Variants in TP53BP1 observed in about 807,000 individuals in gnomAD.
TP53BP1 encodes the protein TP53-binding protein 1.
In TP53BP1, 61 loss-of-function variants were observed where a neutral mutation model predicts 200.8. That is an observed-to-expected ratio of 0.30 (90% CI 0.25 to 0.38). The LOEUF is 0.38. Ranked by LOEUF, TP53BP1 falls within the 10% of genes least tolerant of loss-of-function variation. The probability of loss-of-function intolerance (pLI) is 1.00; values close to 1 mark genes in which losing one functional copy is unlikely to be tolerated. For missense variants in TP53BP1, 2,144 were observed against 2,371.9 expected, an observed-to-expected ratio of 0.90 and a Z score of 2.00; for synonymous variants, 822 against 844.3, an observed-to-expected ratio of 0.97 and a Z score of 0.46.
intron 15 of TP53BP1, among the ~76,000 whole-genome samples, chr15:43,439,695 C>A (rs532381699): frequency 2.0e-5 from 3 of 152,150 alleles, no homozygotes; most frequent in Admixed American, 2.0e-4. Flanking sequence ...AATTTATTCA[C>A]AACAATATCA....
rs1416004923 is a variant in TP53BP1, at chr15:43,492,135, A to T, written c.193-40T>A. 3 of 1,540,938 alleles carry T rather than the reference A, an allele frequency of 1.9e-6. No individual in the cohort carries two copies. In the Admixed American group the frequency reaches 5.1e-5, roughly 26 times the overall value. On this transcript the variant is annotated intron_variant, in intron 2 of 27. Coordinates refer to ENST00000382044, the MANE Select transcript of TP53BP1 (RefSeq NM_001141980.3). ...TACAAAATATCCCCATTATATATGA[A>T]ATAGTTCAAAATGAAACCTACTATT...
intron 18 of TP53BP1, among the ~76,000 whole-genome samples, chr15:43,426,338 G>T (rs543210169): frequency 1.7e-4 from 25 of 150,222 alleles, no homozygotes; most frequent in Non-Finnish European, 3.2e-4. Context: ...TACTCAGGAG[G>T]CTGAGGCAGG....
At chr15:43,499,359 G>A (rs2079198156) in intron 1 of TP53BP1, among the ~76,000 whole-genome samples, 2 of 152,030 alleles carry the variant, frequency 1.3e-5, no homozygotes, top group African/African-American at 4.8e-5. Flanking sequence ...CAAACCCCGT[G>A]ATAATGCAAC....
chr15:43,425,881 C>A (rs866324170), intron 18 of TP53BP1, among the ~76,000 whole-genome samples: 1 of 151,808 alleles, frequency 6.6e-6, no homozygotes, highest in Non-Finnish European at 1.5e-5. Flanking sequence ...CTGGCTAACA[C>A]GGTGAAACCC....
At chr15:43,451,998 G>T (rs1310448480) in intron 12 of TP53BP1, among the ~76,000 whole-genome samples, 3 of 151,736 alleles carry the variant, frequency 2.0e-5, no homozygotes, top group African/African-American at 7.3e-5. Flanking sequence ...AGCCAGGCAT[G>T]GTGACATGTG....
At chr15:43,455,428 A>T (rs2046269883) in intron 12 of TP53BP1, among the ~76,000 whole-genome samples, 2 of 152,182 alleles carry the variant, frequency 1.3e-5, no homozygotes, top group Non-Finnish European at 2.9e-5. Flanking sequence ...CTATTAAAAA[A>T]ATACAATCCA....
In TP53BP1 at chr15:43,404,459, T is replaced by C; in HGVS notation, c.*2924A>G. ...CTCCTGTTCAAGATTCTCTCCAGTG[T>C]TCGGAATCATCAGATCAACTCAGAT... On this transcript the variant is annotated 3_prime_UTR_variant, in exon 28 of 28. Transcript: ENST00000382044. The C allele has an allele frequency of 6.2e-7, 1 of 1,614,192 alleles. No homozygotes were observed. Among genetic ancestry groups the C allele is most frequent in the Admixed American group, 1.7e-5 (1 of 60,024 alleles).
At chr15:43,447,191 A>C (rs1595566136) in intron 13 of TP53BP1, 175 bp downstream of exon 13, 30 of 568,990 alleles carry the variant, frequency 5.3e-5, no homozygotes, top group East Asian at 6.8e-5. Context: ...TCCTCTCTTT[A>C]CCCCTCATCT....
At chr15:43,448,696 C>T (rs536326238) in intron 12 of TP53BP1, among the ~76,000 whole-genome samples, 15 of 152,038 alleles carry the variant, frequency 9.9e-5, no homozygotes, top group South Asian at 2.1e-4. Context: ...CCCTCCATCA[C>T]GCCCAGCTAA....
At chr15:43,468,450 G>A (rs1235422828) in intron 11 of TP53BP1, among the ~76,000 whole-genome samples, 1 of 151,834 alleles carries the variant, frequency 6.6e-6, no homozygotes, top group Non-Finnish European at 1.5e-5. Flanking sequence ...GGGATGCTGA[G>A]GTGGGAGGAT....
intron 22 of TP53BP1, 135 bp downstream of exon 22, chr15:43,416,090 G>A: frequency 1.2e-6 from 1 of 850,386 alleles, no homozygotes; most frequent in Non-Finnish European, 1.8e-6. Context: ...GAAAATGACA[G>A]CTCATCCACC....
At chr15:43,408,847 G>C in intron 26 of TP53BP1, 50 bp downstream of exon 26, 1 of 1,573,842 alleles carries the variant, frequency 6.4e-7, no homozygotes, top group Non-Finnish European at 8.7e-7. Context: ...TCCCTCCAAA[G>C]CTTGCTGTCC....
chr15:43,429,377 C>T lies in TP53BP1; in HGVS notation c.3676-1209G>A, dbSNP rs970456065. ...TATCACATTTTTTCACATCTTTATC[C>T]TCCCTCCTACACCCCACTAACTCCG... is the stretch of plus-strand genomic sequence containing the variant. On this transcript the variant is annotated intron_variant, in intron 17 of 27. Transcript: ENST00000382044. Among the ~76,000 whole-genome samples, 35 of 152,240 alleles carry T rather than the reference C, an allele frequency of 2.3e-4. No individual in the cohort carries two copies. In the East Asian group the frequency reaches 6.4e-3, roughly 28 times the overall value.
chr15:43,507,169 C>T (rs1197286596), intron 1 of TP53BP1, among the ~76,000 whole-genome samples: 2 of 151,646 alleles, frequency 1.3e-5, no homozygotes, highest in Non-Finnish European at 2.9e-5. Context: ...GAGTCTCACT[C>T]TGTCACCCAG....
intron 12 of TP53BP1, among the ~76,000 whole-genome samples, chr15:43,449,170 T>A (rs2046109678): frequency 6.6e-6 from 1 of 151,996 alleles, no homozygotes; most frequent in Admixed American, 6.6e-5. Context: ...CTGTAAACAG[T>A]ATGGATGAAG....
At chr15:43,480,754 T>G in intron 5 of TP53BP1, 141 bp downstream of exon 5, 1 of 976,236 alleles carries the variant, frequency 1.0e-6, no homozygotes, top group Non-Finnish European at 1.5e-6. Context: ...ACATTTTAAA[T>G]TACTAGCAAA....
chr15:43,442,309 A>C (rs1232998260), intron 14 of TP53BP1, among the ~76,000 whole-genome samples: 1 of 151,652 alleles, frequency 6.6e-6, no homozygotes, highest in Non-Finnish European at 1.5e-5. Context: ...GATGGTCTCA[A>C]TCTCCTGACC....
Position 43,491,723 on chromosome 15 carries a change from CAT to C in TP53BP1, c.315_316del (p.Cys106TrpfsTer8). The C allele has an allele frequency of 6.2e-7, 1 of 1,614,056 alleles. No individual in the cohort carries two copies. The highest frequency in any genetic ancestry group is 8.5e-7 in the Non-Finnish European group (1 of 1,179,976). ...CTCAATGACCTGACTGATGGAACCACATGTGTCCAAGTTAGAAGAATCCACAG... is the reference window on the plus strand; with the variant it reads ...CTCAATGACCTGACTGATGGAACCACGTGTCCAAGTTAGAAGAATCCACAG... On this transcript the variant is annotated frameshift_variant, in exon 4 of 28. Coordinates refer to ENST00000382044, the MANE Select transcript of TP53BP1 (RefSeq NM_001141980.3). LOFTEE classifies it high-confidence loss of function.
At chr15:43,465,672 C>T (rs1022052070) in intron 11 of TP53BP1, among the ~76,000 whole-genome samples, 4 of 152,082 alleles carry the variant, frequency 2.6e-5, no homozygotes, top group South Asian at 2.1e-4. Flanking sequence ...TGAAAATAGA[C>T]GTATCCCAAA....
Sources: gnomAD v4.1 joint callset for allele counts (sites outside exome capture counted in the v4.1 genomes callset) on GRCh38, gnomAD v4.1.1 for gene constraint, MANE v1.5 for transcripts, NCBI Gene and HGNC (gene_info 2026-07-23, HGNC 2026-07-21) for gene names.